Variants in PERP observed in about 807,000 individuals in gnomAD.
PERP encodes the protein p53 apoptosis effector related to PMP-22.
PERP carries 11 observed loss-of-function variants against 20.3 expected under a neutral mutation model. The observed-to-expected ratio is 0.54, with a 90% CI of 0.34 to 0.90. The LOEUF (loss-of-function observed/expected upper bound fraction) is 0.90. Ranked by LOEUF, PERP falls within the 40% of genes least tolerant of loss-of-function variation. The pLI is 0.02. For missense variants in PERP, 224 were observed against 249.4 expected (o/e 0.90, Z 0.69); for synonymous variants, 101 against 102.0 (o/e 0.99, Z 0.06).
chr6:138,097,727 CA>C (rs1165235163), intron 1 of PERP, among the ~76,000 whole-genome samples: 1 of 152,142 alleles, frequency 6.6e-6, no homozygotes, highest in Non-Finnish European at 1.5e-5. Context: ...TGTTTGAATC[CA>C]AAACATGACT....
intron 1 of PERP, among the ~76,000 whole-genome samples, chr6:138,097,645 T>C (rs1240340806): frequency 6.6e-6 from 1 of 152,176 alleles, no homozygotes; most frequent in Non-Finnish European, 1.5e-5. Context: ...ATGAAGGATA[T>C]ACTTAGAGTT....
Position 138,107,411 on chromosome 6 carries a change from G to T in PERP, c.-71C>A. The T allele has an allele frequency of 8.0e-7, 1 of 1,249,078 alleles. No individual in the cohort carries two copies. Among genetic ancestry groups the T allele is most frequent in the Non-Finnish European group, 1.0e-6 (1 of 969,652 alleles). The allele number at this position is 1,249,078 out of a possible 1,614,324, so 77.4% of individuals were successfully genotyped here. The stretch of plus-strand genomic sequence containing the variant: ...GGAGGAGCGCGCGGGACGGGCGACA[G>T]CAGAGAGTGGCCTGCGAGCGCGGGC... On this transcript the variant is annotated 5_prime_UTR_variant, in exon 1 of 3. It adds an upstream start codon to the 5' untranslated region. Coordinates refer to ENST00000421351, the MANE Select transcript of PERP (RefSeq NM_022121.5). The surrounding 1 kb of genome is among the most constrained non-coding windows in gnomAD (Gnocchi z 4.8).
intron 1 of PERP, among the ~76,000 whole-genome samples, chr6:138,103,430 G>A (rs975662079): frequency 1.3e-5 from 2 of 152,034 alleles, no homozygotes; most frequent in Non-Finnish European, 2.9e-5. Context: ...AGGATTATAG[G>A]CGTGAGCCAC....
At chr6:138,098,657 C>T (rs1414483089) in intron 1 of PERP, among the ~76,000 whole-genome samples, 1 of 152,190 alleles carries the variant, frequency 6.6e-6, no homozygotes, top group Non-Finnish European at 1.5e-5. Context: ...TGAGCTAAGG[C>T]TCCACATGCC....
chr6:138,098,001 A>G (rs1458045937), intron 1 of PERP, among the ~76,000 whole-genome samples: 1 of 152,130 alleles, frequency 6.6e-6, no homozygotes, highest in Non-Finnish European at 1.5e-5. Flanking sequence ...ATCATACACT[A>G]TGTGGCCTTT....
intron 1 of PERP, among the ~76,000 whole-genome samples, chr6:138,103,236 G>A (rs1046709357): frequency 2.6e-5 from 4 of 151,710 alleles, no homozygotes; most frequent in South Asian, 2.1e-4. Context: ...TGCAACCTCC[G>A]CCTCCCGGGT....
At position 138,096,402 on chromosome 6, in the gene PERP, G is replaced by A; in HGVS notation, c.307C>T (p.Gln103Ter). The A allele has an allele frequency of 1.2e-6, 2 of 1,614,124 alleles. No individual in the cohort carries two copies. Among genetic ancestry groups the A allele is most frequent in the Non-Finnish European group, 1.7e-6 (2 of 1,180,010 alleles). ...ATCACTCTCAGGAAGACAAGCATCT[G>A]GGGTCCACAGAGGGCGAAGAAGGAG... Reference protein sequence around the residue: ...ILSFFALCGPQMLVFLRVIGG... With the variant: ...ILSFFALCGP Residue 103 changes from glutamine (Q) to a stop codon, truncating the protein, a stop_gained, in exon 2 of 3, where the codon CAG becomes TAG. Coordinates refer to ENST00000421351, the MANE Select transcript of PERP (RefSeq NM_022121.5). LOFTEE classifies it high-confidence loss of function.
chr6:138,092,188 T>C lies in PERP; in HGVS notation c.436A>G (p.Thr146Ala). ...CCGTAGGCCCAGTTATAGATGTAAG[T>C]GACAGCAGGGTTGGCATGAAGGGTG... ...TFTLHANPAV[T>A]YIYNWAYGFG... The change falls in exon 3 of 3, where the codon ACT becomes GCT. Residue 146 changes from threonine (T) to alanine (A), a missense_variant. Thr to Ala is a moderately conservative substitution (Grantham distance 58, BLOSUM62 0). Coordinates refer to ENST00000421351, the MANE Select transcript of PERP (RefSeq NM_022121.5). 1 of 1,614,044 alleles carries C rather than the reference T, an allele frequency of 6.2e-7. No individual in the cohort carries two copies. The highest frequency in any genetic ancestry group is 8.5e-7 in the Non-Finnish European group (1 of 1,179,986).
rs73774639 is a variant in PERP, at chr6:138,107,049, T to C, written c.214+78A>G. 2.1e-3 allele frequency: 3,001 copies of C among 1,436,920 alleles called. 55 individuals carry two copies. In the African/African-American group the frequency reaches 0.035, roughly 17 times the overall value. The allele number at this position is 1,436,920 out of a possible 1,614,324, so 89.0% of individuals were successfully genotyped here. On this transcript the variant is annotated intron_variant, in intron 1 of 2. Coordinates refer to ENST00000421351, the MANE Select transcript of PERP (RefSeq NM_022121.5). This position sits in a 1 kb window ranked among gnomAD's most constrained non-coding sequence, Gnocchi z 4.8. Reference sequence around the variant, plus strand: ...GCTCCCCCGACCCTGTGAGGGCCCATCACGCGCGGCGGCTTTTGCAGGCCG... The same window carrying C: ...GCTCCCCCGACCCTGTGAGGGCCCACCACGCGCGGCGGCTTTTGCAGGCCG...
At chr6:138,103,297 C>T (rs2114344015) in intron 1 of PERP, among the ~76,000 whole-genome samples, 1 of 151,870 alleles carries the variant, frequency 6.6e-6, no homozygotes, top group East Asian at 2.0e-4. Flanking sequence ...TTACAGGTGC[C>T]TGTCACCATG....
At chr6:138,092,722 C>T (rs1490376940) in intron 2 of PERP, among the ~76,000 whole-genome samples, 1 of 152,092 alleles carries the variant, frequency 6.6e-6, no homozygotes, top group Non-Finnish European at 1.5e-5. Flanking sequence ...GGCATGCACA[C>T]ATGACTCAAT....
Position 138,091,818 on chromosome 6 carries a change from A to G in PERP, c.*224T>C. ...ATATAAGGAAATATTGGCATAGTAT[A>G]GGTAATTAGTGAAAAGACACAACTT... is the stretch of plus-strand genomic sequence containing the variant. On this transcript the variant is annotated 3_prime_UTR_variant, in exon 3 of 3. Transcript: ENST00000421351. The G allele has an allele frequency of 2.1e-6, 1 of 485,380 alleles. No individual in the cohort carries two copies. Among genetic ancestry groups the G allele is most frequent in the Non-Finnish European group, 3.7e-6 (1 of 271,512 alleles). The allele number at this position is 485,380 out of a possible 1,614,324, so 30.1% of individuals were successfully genotyped here.
Position 138,092,000 on chromosome 6 carries a change from C to T in PERP, c.*42G>A. ...GAGAAACAGTTTCTTCTTCTGGAGT[C>T]CATCTCAGCAGCAGCGATTTTCTCC... On this transcript the variant is annotated 3_prime_UTR_variant, in exon 3 of 3. Transcript: ENST00000421351. The T allele has an allele frequency of 6.4e-7, 1 of 1,569,414 alleles. No homozygotes were observed. Among genetic ancestry groups the T allele is most frequent in the Non-Finnish European group, 8.7e-7 (1 of 1,146,504 alleles).
In PERP at chr6:138,107,218, G is replaced by C; in HGVS notation, c.123C>G (p.His41Gln). ...AGRGWLQSSD[H>Q]GQTSSLWWKC... is the part of the protein sequence containing the mutation. ...TCCACCACAGCGAGGACGTCTGGCC[G>C]TGGTCGCTAGACTGCAACCAGCCGC... Residue 41 changes from histidine to glutamine, a missense_variant, in exon 1 of 3, where the codon CAC (histidine) becomes CAG (glutamine). Coordinates refer to ENST00000421351, the MANE Select transcript of PERP (RefSeq NM_022121.5). The surrounding 1 kb of genome is among the most constrained non-coding windows in gnomAD (Gnocchi z 4.8). The C allele has an allele frequency of 6.2e-7, 1 of 1,612,394 alleles. No individual in the cohort carries two copies. Among genetic ancestry groups the C allele is most frequent in the African/African-American group, 1.3e-5 (1 of 75,010 alleles).
chr6:138,092,522 G>A (rs1467028497), intron 2 of PERP, among the ~76,000 whole-genome samples: 2 of 152,136 alleles, frequency 1.3e-5, no homozygotes, highest in Non-Finnish European at 2.9e-5. Context: ...AAAATCATTG[G>A]AGATCCATTC....
At chr6:138,096,059 C>A (rs995093549) in intron 2 of PERP, among the ~76,000 whole-genome samples, 28 of 152,216 alleles carry the variant, frequency 1.8e-4, no homozygotes, top group Non-Finnish European at 2.9e-4. Flanking sequence ...GCTGACATAG[C>A]CTAGTTTCTC....
chr6:138,099,312 C>T (rs1040209836), intron 1 of PERP, among the ~76,000 whole-genome samples: 4 of 152,034 alleles, frequency 2.6e-5, no homozygotes, highest in Non-Finnish European at 4.4e-5. Flanking sequence ...AGTATGTGAC[C>T]CATTGTCAAT....
intron 1 of PERP, among the ~76,000 whole-genome samples, chr6:138,099,770 G>A (rs1005801709): frequency 6.6e-6 from 1 of 152,122 alleles, no homozygotes; most frequent in Non-Finnish European, 1.5e-5. Context: ...TGCTTGGAAG[G>A]AATTAAACCA....
chr6:138,097,956 C>A (rs1487016177), intron 1 of PERP, among the ~76,000 whole-genome samples: 2 of 152,148 alleles, frequency 1.3e-5, no homozygotes, highest in Admixed American at 1.3e-4. Context: ...GTCTCTATAC[C>A]TTTGCCGATT....
Sources: gnomAD v4.1 joint callset for allele counts (sites outside exome capture counted in the v4.1 genomes callset) on GRCh38, gnomAD v4.1.1 for gene constraint, Gnocchi (gnomAD v3.1) non-coding constraint, MANE v1.5 for transcripts, NCBI Gene and HGNC (gene_info 2026-07-23, HGNC 2026-07-21) for gene names.